CR1L: variants seen among roughly 807,000 people sequenced by gnomAD.
The protein encoded by CR1L is complement C3b/C4b receptor 1 like, also known as complement component receptor 1-like protein.
Under a neutral mutation model 62.3 loss-of-function variants are expected in CR1L, and 59 were observed. That is an observed-to-expected ratio of 0.95 (90% CI 0.77 to 1.18). The LOEUF is 1.18. CR1L is among the 50% of genes most tolerant of loss of function. The probability of loss-of-function intolerance (pLI) is 0.00; values close to 1 mark genes in which losing one functional copy is unlikely to be tolerated. For synonymous variants in CR1L, 279 were observed against 248.7 expected (o/e 1.12, Z -1.15); for missense variants, 700 against 702.8 (o/e 1.00, Z 0.04).
chr1:207,674,797 A>G (rs1046815570), intron 1 of CR1L, among the ~76,000 whole-genome samples: 2 of 152,020 alleles, frequency 1.3e-5, no homozygotes, highest in African/African-American at 4.8e-5. Context: ...ATTGTATTTC[A>G]TCCCACATAT....
intron 6 of CR1L, 34 bp downstream of exon 6, chr1:207,697,713 G>T (rs1219323577): frequency 6.2e-7 from 1 of 1,613,794 alleles, no homozygotes; most frequent in Non-Finnish European, 8.5e-7. Context: ...GGTATTTTTA[G>T]CTTGCGTCTT....
At chr1:207,674,793 T>C (rs191696456) in intron 1 of CR1L, among the ~76,000 whole-genome samples, 64 of 152,240 alleles carry the variant, frequency 4.2e-4, no homozygotes, top group Non-Finnish European at 7.5e-4. Flanking sequence ...CAAAATTGTA[T>C]TTCATCCCAC....
At chr1:207,660,842 G>T (rs1228095756) in intron 1 of CR1L, among the ~76,000 whole-genome samples, 1 of 152,156 alleles carries the variant, frequency 6.6e-6, no homozygotes, top group Non-Finnish European at 1.5e-5. Flanking sequence ...CTGGTATGTT[G>T]TGTTTTTGTT....
At chr1:207,671,046 A>T (rs775471485) in intron 1 of CR1L, among the ~76,000 whole-genome samples, 1 of 151,068 alleles carries the variant, frequency 6.6e-6, no homozygotes, top group Non-Finnish European at 1.5e-5. Flanking sequence ...ACTTTTTAGG[A>T]AGCCAGTGTT....
chr1:207,658,172 A>T (rs372561243), intron 1 of CR1L, among the ~76,000 whole-genome samples: 137 of 152,334 alleles, frequency 9.0e-4, no homozygotes, highest in African/African-American at 3.1e-3. Flanking sequence ...TTACGTTAGA[A>T]AAAAAAGAAA....
At chr1:207,723,359 G>A (rs1222032886) in intron 11 of CR1L, among the ~76,000 whole-genome samples, 1 of 151,614 alleles carries the variant, frequency 6.6e-6, no homozygotes, top group Non-Finnish European at 1.5e-5. Context: ...GAACCCAGGA[G>A]GCAGAGGTCG....
chr1:207,710,775 T>C (rs1664344126), intron 10 of CR1L: 1 of 1,602,080 alleles, frequency 6.2e-7, no homozygotes. Flanking sequence ...GCTACCAAGC[T>C]GCTCCAGGGG....
intron 1 of CR1L, chr1:207,655,392 A>C (rs905631202): frequency 5.7e-6 from 2 of 352,900 alleles, no homozygotes; most frequent in Non-Finnish European, 1.1e-5. Flanking sequence ...GGTTTCTTTT[A>C]TGTGGGTTAT....
intron 4 of CR1L, among the ~76,000 whole-genome samples, chr1:207,692,876 C>T (rs1664018232): frequency 6.6e-6 from 1 of 152,126 alleles, no homozygotes; most frequent in African/African-American, 2.4e-5. Flanking sequence ...GAAAACATAC[C>T]CGCATATGAG....
At position 207,723,608 on chromosome 1, in the gene CR1L, T is replaced by C. The variant is rs1257134098; in HGVS notation, c.1643-10T>C. On this transcript the variant is annotated splice_polypyrimidine_tract_variant and intron_variant, in intron 11 of 11. Coordinates refer to ENST00000508064, the MANE Select transcript of CR1L (RefSeq NM_175710.2). ...GAGTGATGTTTTTGTGACTTTTGTCTTCCTTTTAGGTTCACATGATGCTCT... is the reference window on the plus strand; with the variant it reads ...GAGTGATGTTTTTGTGACTTTTGTCCTCCTTTTAGGTTCACATGATGCTCT... 1 of 1,590,306 alleles carries C rather than the reference T, an allele frequency of 6.3e-7. No individual in the cohort carries two copies. The highest frequency in any genetic ancestry group is 1.1e-5 in the South Asian group (1 of 87,834).
chr1:207,693,301 AG>A (rs1664024234), intron 4 of CR1L, among the ~76,000 whole-genome samples: 1 of 152,164 alleles, frequency 6.6e-6, no homozygotes, highest in Non-Finnish European at 1.5e-5. Flanking sequence ...TATTTTTAGT[AG>A]AGACAGGGTT....
At chr1:207,707,473 C>G (rs553657180) in intron 9 of CR1L, among the ~76,000 whole-genome samples, 1 of 152,180 alleles carries the variant, frequency 6.6e-6, no homozygotes, top group South Asian at 2.1e-4. Context: ...ACTAAAAATA[C>G]AAAAATTAGC....
At chr1:207,712,764 T>TGAAA (rs1431994004) in intron 10 of CR1L, among the ~76,000 whole-genome samples, 1 of 152,212 alleles carries the variant, frequency 6.6e-6, no homozygotes, top group Non-Finnish European at 1.5e-5. Context: ...TTTCTTCTCG[T>TGAAA]GAAATCCTGT....
chr1:207,684,117 T>A (rs1178399615), intron 4 of CR1L, 160 bp downstream of exon 4: 3 of 558,042 alleles, frequency 5.4e-6, no homozygotes, highest in African/African-American at 3.8e-5. Context: ...TCCTGGCAAC[T>A]CTTTCTTTAA....
chr1:207,704,070 G>T (rs34168498), intron 9 of CR1L, among the ~76,000 whole-genome samples: 27,020 of 152,242 alleles, frequency 0.18, 3,019 homozygotes, highest in Non-Finnish European at 0.26. Flanking sequence ...CTGCAGGAAA[G>T]AATTAATCAT....
intron 5 of CR1L, among the ~76,000 whole-genome samples, chr1:207,696,966 T>C (rs1664108821): frequency 6.6e-6 from 1 of 152,168 alleles, no homozygotes; most frequent in Non-Finnish European, 1.5e-5. Context: ...AGACCCATAG[T>C]TCTTTACCAC....
Position 207,723,646 on chromosome 1 carries a change from GT to G in CR1L, c.1675del (p.Tyr559MetfsTer?). ...CACATGATGCTCTTATAGTTGGTAA[GT>G]TTTATGAAGTGTTTGCTGAGGAATT... ...GSHDALIVGKFYEVFAEEFCH... is the reference protein window; with the variant it reads ...GSHDALIVGKXYEVFAEEFCH... On this transcript the variant is annotated frameshift_variant, in exon 12 of 12. Transcript: ENST00000508064. LOFTEE classifies it high-confidence loss of function. The G allele has an allele frequency of 6.3e-7, 1 of 1,596,976 alleles. No homozygotes were observed. The highest frequency in any genetic ancestry group is 1.1e-5 in the South Asian group (1 of 88,462).
intron 5 of CR1L, among the ~76,000 whole-genome samples, chr1:207,696,264 A>G (rs1029393751): frequency 6.6e-6 from 1 of 152,250 alleles, no homozygotes; most frequent in African/African-American, 2.4e-5. Flanking sequence ...TGGCATCGCT[A>G]GAATTGAAGC....
chr1:207,695,343 T>C (rs1347615760), intron 5 of CR1L, among the ~76,000 whole-genome samples: 1 of 152,180 alleles, frequency 6.6e-6, no homozygotes, highest in African/African-American at 2.4e-5. Flanking sequence ...TTTCCCAGGC[T>C]TGTCTCGAAC....
Sources: gnomAD v4.1 joint callset for allele counts (sites outside exome capture counted in the v4.1 genomes callset) on GRCh38, gnomAD v4.1.1 for gene constraint, MANE v1.5 for transcripts, NCBI Gene and HGNC (gene_info 2026-07-23, HGNC 2026-07-21) for gene names.